Variants in CD101 observed in about 807,000 individuals in gnomAD.
The protein encoded by CD101 is CD101 molecule, also known as immunoglobulin superfamily member 2.
A neutral mutation model predicts 98.2 loss-of-function variants in CD101; 76 were observed. The observed-to-expected ratio is 0.77, with a 90% CI of 0.64 to 0.94. The LOEUF is 0.94. Ranked by LOEUF, CD101 falls within the 40% of genes least tolerant of loss-of-function variation. CD101 has a pLI of 0.00. For synonymous variants in CD101, 471 were observed against 472.7 expected (o/e 1.00, Z 0.05); for missense variants, 1,145 against 1,218.8 (o/e 0.94, Z 0.90).
At position 117,010,855 on chromosome 1, in the gene CD101, G is replaced by C. The variant is rs925518011; in HGVS notation, c.424+625G>C. Reference sequence around the variant, plus strand: ...TTTCCTTTAGATTGTTCATACCACTGCTCTCAGCATGTATCCAGTTACATG... The same window carrying C: ...TTTCCTTTAGATTGTTCATACCACTCCTCTCAGCATGTATCCAGTTACATG... On this transcript the variant is annotated intron_variant, in intron 2 of 9. Coordinates refer to ENST00000682167, the MANE Select transcript of CD101 (RefSeq NM_001256106.3). The surrounding 1 kb of genome is among the most constrained non-coding windows in gnomAD (Gnocchi z 5.2). Among the ~76,000 whole-genome samples the C allele has an allele frequency of 6.6e-6, 1 of 152,054 alleles. No homozygotes were observed. Among genetic ancestry groups the C allele is most frequent in the Non-Finnish European group, 1.5e-5 (1 of 68,014 alleles).
intron 9 of CD101, among the ~76,000 whole-genome samples, 180 bp from the exon 10 acceptor site, chr1:117,035,988 A>G (rs549758871): frequency 6.6e-6 from 1 of 152,024 alleles, no homozygotes; most frequent in Non-Finnish European, 1.5e-5. Context: ...CTGTGGGAGC[A>G]CTCTTCACCC....
At chr1:117,035,835 A>C (rs1305913785) in intron 9 of CD101, among the ~76,000 whole-genome samples, 1 of 152,176 alleles carries the variant, frequency 6.6e-6, no homozygotes, top group Non-Finnish European at 1.5e-5. Flanking sequence ...TACAGGCGTG[A>C]GCCACCACGC....
intron 1 of CD101, among the ~76,000 whole-genome samples, chr1:117,007,319 C>T (rs143008058): frequency 6.6e-6 from 1 of 151,936 alleles, no homozygotes. Context: ...ACCATGCAAT[C>T]ACTTTCCTGA....
intron 7 of CD101, among the ~76,000 whole-genome samples, chr1:117,024,492 TAAAAATAA>T (rs886206778): frequency 2.3e-5 from 1 of 43,560 alleles, no homozygotes; most frequent in Non-Finnish European, 4.2e-5. Context: ...ATAAATAAAA[TAAAAATAA>T]ATAAATAAAT....
At chr1:117,029,196 A>AGTAGAT (rs1654198690) in intron 8 of CD101, among the ~76,000 whole-genome samples, 1 of 74,938 alleles carries the variant, frequency 1.3e-5, no homozygotes, top group Non-Finnish European at 2.6e-5. Flanking sequence ...AGAAAGAAAG[A>AGTAGAT]AAGAAAGAAA....
In CD101 at chr1:117,025,548, A is replaced by G; in HGVS notation, c.2468A>G (p.Asn823Ser). ...GTCTCCAAAGTGTACTGGACCGAAA[A>G]TGTGACTGAGCACAGAGAAGTGGCC... The part of the protein sequence containing the change: ...VRVSKVYWTE[N>S]VTEHREVAIR... Residue 823 changes from asparagine to serine, a missense_variant, in exon 8 of 10, where the codon AAT becomes AGT. By Grantham distance (46) the Asn-to-Ser change is conservative. Coordinates refer to ENST00000682167, the MANE Select transcript of CD101 (RefSeq NM_001256106.3). 3.1e-6 allele frequency: 5 copies of G among 1,602,798 alleles called. No homozygotes were observed. Among genetic ancestry groups the G allele is most frequent in the Middle Eastern group, 1.7e-4 (1 of 6,020 alleles).
In CD101 at chr1:117,026,005, A is replaced by G. The variant is rs1050502428; in HGVS notation, c.2824+101A>G. ...CTATCTTTTGCTCCTTCTGAAGACA[A>G]TTTTCAGACTGAAGACAATTTTCAG... On this transcript the variant is annotated intron_variant, in intron 8 of 9. Coordinates refer to ENST00000682167, the MANE Select transcript of CD101 (RefSeq NM_001256106.3). The G allele has an allele frequency of 2.2e-5, 28 of 1,282,524 alleles. No individual in the cohort carries two copies. The East Asian group carries it at 3.1e-4, about 14-fold the overall frequency. 79.4% of individuals were successfully genotyped at this position (1,282,524 alleles called of 1,614,324 possible). A position where few individuals can be genotyped will look rare whatever the true frequency, so the allele number is the denominator to read the frequency against.
chr1:117,014,499 A>C (rs1653091425), intron 4 of CD101, among the ~76,000 whole-genome samples: 1 of 152,158 alleles, frequency 6.6e-6, no homozygotes, highest in Non-Finnish European at 1.5e-5. Flanking sequence ...GAATGTCTGC[A>C]TGCACGGAAC....
At position 117,021,632 on chromosome 1, in the gene CD101, A is replaced by G. The variant is rs769195786; in HGVS notation, c.2077A>G (p.Thr693Ala). 1 of 1,612,522 alleles carries G rather than the reference A, an allele frequency of 6.2e-7. No homozygotes were observed. The highest frequency in any genetic ancestry group is 1.1e-5 in the South Asian group (1 of 90,608). The change falls in exon 7 of 10, where the codon ACT becomes GCT. Residue 693 changes from threonine to alanine, a missense_variant. By Grantham distance (58) the Thr-to-Ala change is moderately conservative. Coordinates refer to ENST00000682167, the MANE Select transcript of CD101 (RefSeq NM_001256106.3). This position sits in a 1 kb window ranked among gnomAD's most constrained non-coding sequence, Gnocchi z 4.7. ...QVQELSINSN[T>A]DIECSILSRS... ...CCAAGAGCTCTCCATCAACTCCAAC[A>G]CTGATATAGAATGTAGCATCTTGTC...
intron 1 of CD101, among the ~76,000 whole-genome samples, chr1:117,003,231 T>G (rs1453589394): frequency 6.6e-6 from 1 of 152,222 alleles, no homozygotes; most frequent in Admixed American, 6.5e-5. Flanking sequence ...ATTGGGGAAC[T>G]AAACCAAGCT....
rs768501974 is a variant in CD101 at position 117,017,402 on chromosome 1, C to G, written c.1541C>G (p.Ser514Cys). The G allele has an allele frequency of 8.7e-6, 14 of 1,614,234 alleles. No homozygotes were observed. The Admixed American group carries it at 2.3e-4, about 27-fold the overall frequency. Residue 514 changes from serine to cysteine, a missense_variant, in exon 5 of 10, where the codon TCT becomes TGT. Ser to Cys is a moderately radical substitution (Grantham distance 112). Coordinates refer to ENST00000682167, the MANE Select transcript of CD101 (RefSeq NM_001256106.3). Reference sequence around the variant, plus strand: ...AGTGGCACATATGAGTGCAGAGTATCTGAGAAGTCTCGGAACCAGGCCAGA... The same window carrying G: ...AGTGGCACATATGAGTGCAGAGTATGTGAGAAGTCTCGGAACCAGGCCAGA... ...TDSGTYECRV[S>C]EKSRNQARDL...
chr1:117,034,053 T>C lies in CD101; in HGVS notation c.3018T>C (p.Gly1006=). The change falls in exon 9 of 10, where the codon GGT becomes GGC. Residue 1006 remains glycine, a synonymous_variant. Coordinates refer to ENST00000682167, the MANE Select transcript of CD101 (RefSeq NM_001256106.3). ...GGGTGGACTTGAAAGAGGCTGGAGG[T>C]GTGACCACAAATAGGAGGGAAGACG... The part of the protein sequence containing the change: ...ALWVDLKEAG[G]VTTNRREDEE... The C allele has an allele frequency of 6.2e-7, 1 of 1,613,972 alleles. No individual in the cohort carries two copies. The highest frequency in any genetic ancestry group is 1.1e-5 in the South Asian group (1 of 91,082).
chr1:117,011,764 T>A lies in CD101; in HGVS notation c.639T>A (p.Tyr213Ter). The change falls in exon 3 of 10, where the codon TAT (tyrosine) becomes TAA (stop). Residue 213 changes from tyrosine (Y) to a stop codon, truncating the protein, a stop_gained. Transcript: ENST00000682167. LOFTEE classifies it high-confidence loss of function. ...TTATATTGGTCCCTGGGCCCTTGTATACAGAGCGGTTTGCAGCCAGTGACG... is the reference window on the plus strand; with the variant it reads ...TTATATTGGTCCCTGGGCCCTTGTAAACAGAGCGGTTTGCAGCCAGTGACG... ...KDFILVPGPL[Y>*]TERFAASDVQ... is the part of the protein sequence containing the mutation. 1.2e-6 allele frequency: 2 copies of A among 1,614,140 alleles called. No homozygotes were observed. The highest frequency in any genetic ancestry group is 1.7e-6 in the Non-Finnish European group (2 of 1,180,016).
At position 117,021,486 on chromosome 1, in the gene CD101, T is replaced by C; in HGVS notation, c.2018-87T>C. The C allele has an allele frequency of 9.2e-7, 1 of 1,091,042 alleles. No individual in the cohort carries two copies. Among genetic ancestry groups the C allele is most frequent in the East Asian group, 2.6e-5 (1 of 38,896 alleles). The allele number at this position is 1,091,042 out of a possible 1,614,324, so 67.6% of individuals were successfully genotyped here. On this transcript the variant is annotated intron_variant, in intron 6 of 9. Transcript: ENST00000682167. The surrounding 1 kb of genome is among the most constrained non-coding windows in gnomAD (Gnocchi z 4.7). Reference sequence around the variant, plus strand: ...GTTCACCCATATGATGGCGGGAGGATGCAGTGTCATACTTGACCTCTAATG... The same window carrying C: ...GTTCACCCATATGATGGCGGGAGGACGCAGTGTCATACTTGACCTCTAATG...
rs35135251 is a variant in CD101, at chr1:117,014,228, T to TGTGTGTGTGA, written c.1228+437_1228+438insTGTGTGTGAG. Among the ~76,000 whole-genome samples the TGTGTGTGTGA allele has an allele frequency of 4.3e-3, 606 of 140,988 alleles. 3 individuals carry two copies. Among genetic ancestry groups the TGTGTGTGTGA allele is most frequent in the South Asian group, 0.02 (86 of 4,304 alleles). 92.5% of individuals were successfully genotyped at this position (140,988 alleles called of 152,430 possible). Reference sequence around the variant, plus strand: ...GTGTGTGTGTGTGTGTGTGTGTGTGTGATATGAATAGGTTAAGAGTAAAAA... The same window carrying TGTGTGTGTGA: ...GTGTGTGTGTGTGTGTGTGTGTGTGTGTGTGTGTGAGATATGAATAGGTTAAGAGTAAAAA... On this transcript the variant is annotated intron_variant, in intron 4 of 9. Transcript: ENST00000682167.
At position 117,025,804 on chromosome 1, in the gene CD101, G is replaced by C; in HGVS notation, c.2724G>C (p.Trp908Cys). The C allele has an allele frequency of 5.6e-6, 9 of 1,614,204 alleles. No individual in the cohort carries two copies. Among genetic ancestry groups the C allele is most frequent in the Non-Finnish European group, 7.6e-6 (9 of 1,180,030 alleles). The change falls in exon 8 of 10, where the codon TGG (tryptophan) becomes TGC (cysteine). Residue 908 changes from tryptophan to cysteine, a missense_variant. Transcript: ENST00000682167. Reference sequence around the variant, plus strand: ...AGATGGAGGATGCAGGAATGTACTGGTGTAGGGTGGCAGAGTGGCAGCTCC... The same window carrying C: ...AGATGGAGGATGCAGGAATGTACTGCTGTAGGGTGGCAGAGTGGCAGCTCC... ...QVEMEDAGMY[W>C]CRVAEWQLHG...
rs533717463 is a variant in CD101 at position 117,020,858 on chromosome 1, A to T, written c.2018-715A>T. Reference sequence around the variant, plus strand: ...GGACCTATGGGCAACATCAATAAGCAGTTAAAAAAGTAGAGTGGGTGATGT... The same window carrying T: ...GGACCTATGGGCAACATCAATAAGCTGTTAAAAAAGTAGAGTGGGTGATGT... On this transcript the variant is annotated intron_variant, in intron 6 of 9. Coordinates refer to ENST00000682167, the MANE Select transcript of CD101 (RefSeq NM_001256106.3). Among the ~76,000 whole-genome samples the T allele has an allele frequency of 8.9e-4, 136 of 152,354 alleles. 1 individual carries two copies. Among genetic ancestry groups the T allele is most frequent in the African/African-American group, 3.1e-3 (129 of 41,586 alleles).
At chr1:117,025,971 C>A in intron 8 of CD101, 67 bp downstream of exon 8, 1 of 1,477,454 alleles carries the variant, frequency 6.8e-7, no homozygotes, top group Non-Finnish European at 9.1e-7. Context: ...CTTATCCTCT[C>A]CCTCTCACCT....
intron 8 of CD101, among the ~76,000 whole-genome samples, chr1:117,031,956 CA>C (rs1378279049): frequency 6.6e-6 from 1 of 152,170 alleles, no homozygotes; most frequent in East Asian, 1.9e-4. Context: ...TGCATCATTG[CA>C]GTCTATGCTT....
Sources: allele counts gnomAD v4.1 joint callset (sites outside exome capture counted in the v4.1 genomes callset), GRCh38; gene constraint gnomAD v4.1.1; non-coding constraint Gnocchi (gnomAD v3.1); transcripts MANE v1.5; gene names NCBI Gene and HGNC (gene_info 2026-07-23, HGNC 2026-07-21).